The following PRUNE2 variants were observed in gnomAD, a reference collection of about 807,000 sequenced individuals.
PRUNE2 encodes protein prune homolog 2.
In PRUNE2, 164 loss-of-function variants were observed where a neutral mutation model predicts 252.0. The observed-to-expected ratio is 0.65, with a 90% confidence interval of 0.57 to 0.74. PRUNE2 has a LOEUF of 0.74. Among genes scored for constraint, PRUNE2 ranks in the 30% least tolerant of loss-of-function variants. The pLI, the probability that PRUNE2 is intolerant of heterozygous loss-of-function variation, is 0.00. For missense variants in PRUNE2, 3,495 were observed against 3,711.0 expected (o/e 0.94, Z 1.51); for synonymous variants, 1,292 against 1,350.2 (o/e 0.96, Z 0.94).
chr9:76,713,520 G>C, intron 7 of PRUNE2, 43 bp downstream of exon 7: 1 of 1,556,840 alleles, frequency 6.4e-7, no homozygotes, highest in South Asian at 1.2e-5. Context: ...GAGCCAGCAG[G>C]TTAGGACAGA....
chr9:76,709,957 G>A lies in PRUNE2; in HGVS notation c.2317C>T (p.Arg773Cys), dbSNP rs370168847. 76 of 1,613,540 alleles carry A rather than the reference G, an allele frequency of 4.7e-5. No homozygotes were observed. The African/African-American group carries it at 8.1e-4, about 17-fold the overall frequency. ...GGCTCGGGCATGGCTGTGGGAGAGCGACCAGAATGCCACAAAGAAGCAAAG... is the reference window on the plus strand; with the variant it reads ...GGCTCGGGCATGGCTGTGGGAGAGCAACCAGAATGCCACAAAGAAGCAAAG... Reference protein sequence around the residue: ...EDFASLWHSGRSPTAMPEPWG... With the variant: ...EDFASLWHSGCSPTAMPEPWG... Residue 773 changes from arginine (R) to cysteine (C), a missense_variant, in exon 8 of 19, where the codon CGC (arginine) becomes TGC (cysteine). Arg to Cys is a radical substitution (Grantham distance 180). Transcript: ENST00000376718.
intron 5 of PRUNE2, among the ~76,000 whole-genome samples, chr9:76,824,219 G>A (rs1409281682): frequency 6.6e-6 from 1 of 151,978 alleles, no homozygotes; most frequent in Non-Finnish European, 1.5e-5. Flanking sequence ...TGTTGTGGGA[G>A]CCCATAAGAT....
chr9:76,723,019 T>C (rs1241669340), intron 6 of PRUNE2, among the ~76,000 whole-genome samples: 3 of 152,234 alleles, frequency 2.0e-5, no homozygotes, highest in African/African-American at 7.2e-5. Flanking sequence ...ATTTTGACAA[T>C]TGCTAACAAT....
intron 4 of PRUNE2, among the ~76,000 whole-genome samples, chr9:76,835,343 A>G (rs1347903055): frequency 1.3e-5 from 2 of 152,094 alleles, no homozygotes; most frequent in Non-Finnish European, 2.9e-5. Flanking sequence ...TTGAAAAAAA[A>G]GTAAGGAATG....
chr9:76,729,626 G>T (rs1372108689), intron 6 of PRUNE2, among the ~76,000 whole-genome samples: 1 of 151,904 alleles, frequency 6.6e-6, no homozygotes, highest in Admixed American at 6.6e-5. Flanking sequence ...TAAAAATTTG[G>T]CTAAAGAGGT....
intron 6 of PRUNE2, chr9:76,785,141 T>C (rs1001066550): frequency 6.6e-6 from 1 of 152,372 alleles, no homozygotes; most frequent in African/African-American, 2.4e-5. Context: ...ACCCCTCCCA[T>C]GCACCTAAAC....
chr9:76,636,774 C>CTAAAAA (rs537163662), intron 14 of PRUNE2, among the ~76,000 whole-genome samples: 66 of 151,862 alleles, frequency 4.3e-4, no homozygotes, highest in Admixed American at 1.1e-3. Context: ...CCCATCTCTA[C>CTAAAAA]TAAAAATAAA....
intron 1 of PRUNE2, among the ~76,000 whole-genome samples, chr9:76,875,039 T>C (rs902823280): frequency 6.6e-6 from 1 of 152,142 alleles, no homozygotes; most frequent in African/African-American, 2.4e-5. Context: ...TTTCTCCCGC[T>C]ACACACACCC....
intron 11 of PRUNE2, among the ~76,000 whole-genome samples, chr9:76,647,923 C>T (rs974074524): frequency 6.6e-6 from 1 of 152,158 alleles, no homozygotes; most frequent in African/African-American, 2.4e-5. Flanking sequence ...GATTGCGTCA[C>T]TGCACTCCAG....
chr9:76,898,740 T>C (rs2062993494), intron 1 of PRUNE2, among the ~76,000 whole-genome samples: 1 of 152,278 alleles, frequency 6.6e-6, no homozygotes, highest in East Asian at 1.9e-4. Flanking sequence ...AGCACCAACA[T>C]AGCTTTAAGC....
intron 1 of PRUNE2, among the ~76,000 whole-genome samples, chr9:76,879,213 A>G (rs2061622127): frequency 6.6e-6 from 1 of 152,224 alleles, no homozygotes; most frequent in South Asian, 2.1e-4. Flanking sequence ...GGTCTGTATG[A>G]GAGAGACAGA....
chr9:76,621,872 G>A (rs1188940503), intron 17 of PRUNE2, among the ~76,000 whole-genome samples: 1 of 151,962 alleles, frequency 6.6e-6, no homozygotes, highest in Non-Finnish European at 1.5e-5. Context: ...TTTTTGTAGA[G>A]ATGGAGTCCT....
At chr9:76,619,408 G>C in intron 17 of PRUNE2, 21 bp from the exon 18 acceptor site, 1 of 1,582,964 alleles carries the variant, frequency 6.3e-7, no homozygotes. Flanking sequence ...GGAAAAAATA[G>C]GAAGCAGTCA....
chr9:76,878,688 A>G (rs2061596633), intron 1 of PRUNE2, among the ~76,000 whole-genome samples: 1 of 152,176 alleles, frequency 6.6e-6, no homozygotes, highest in Non-Finnish European at 1.5e-5. Flanking sequence ...GGCAGGTACC[A>G]TTAGGATTAG....
chr9:76,664,145 GA>G (rs2039676984), intron 9 of PRUNE2, among the ~76,000 whole-genome samples: 1 of 152,200 alleles, frequency 6.6e-6, no homozygotes, highest in South Asian at 2.1e-4. Flanking sequence ...GAATAAGGTG[GA>G]ATGGATGGTA....
chr9:76,752,244 C>A (rs1274861634), intron 6 of PRUNE2, among the ~76,000 whole-genome samples: 1 of 152,102 alleles, frequency 6.6e-6, no homozygotes, highest in African/African-American at 2.4e-5. Flanking sequence ...ACTACAGGTG[C>A]CCGCCACCAC....
rs1368872924 is a variant in PRUNE2, at chr9:76,709,971, A to C, written c.2303T>G (p.Leu768Trp). ...TNHLIEDFAS[L>W]WHSGRSPTAM... The stretch of plus-strand genomic sequence containing the variant: ...TGTGGGAGAGCGACCAGAATGCCAC[A>C]AAGAAGCAAAGTCTTCTATCAGGTG... Residue 768 changes from leucine (L) to tryptophan (W), a missense_variant, in exon 8 of 19, where the codon TTG becomes TGG. Coordinates refer to ENST00000376718, the MANE Select transcript of PRUNE2 (RefSeq NM_015225.3). The C allele has an allele frequency of 1.2e-5, 19 of 1,613,750 alleles. No homozygotes were observed. The highest frequency in any genetic ancestry group is 1.6e-5 in the Non-Finnish European group (19 of 1,179,800).
At chr9:76,771,944 C>T (rs565260833) in intron 6 of PRUNE2, among the ~76,000 whole-genome samples, 8 of 152,280 alleles carry the variant, frequency 5.3e-5, no homozygotes, top group African/African-American at 1.9e-4. Context: ...ACACTAATGG[C>T]GTGGGACTCA....
At chr9:76,789,446 G>C (rs10869819) in intron 6 of PRUNE2, among the ~76,000 whole-genome samples, 23,062 of 152,156 alleles carry the variant, frequency 0.15, 2,866 homozygotes, top group African/African-American at 0.35. Context: ...CTGTATCCAG[G>C]AATCACACCT....
Sources: allele counts gnomAD v4.1 joint callset (sites outside exome capture counted in the v4.1 genomes callset), GRCh38; gene constraint gnomAD v4.1.1; transcripts MANE v1.5; gene names NCBI Gene and HGNC (gene_info 2026-07-23, HGNC 2026-07-21).